TOM1L1: variants seen among roughly 807,000 people sequenced by gnomAD.
The protein encoded by TOM1L1 is target of myb1 like 1 membrane trafficking protein.
In TOM1L1, 64 loss-of-function variants were observed where a neutral mutation model predicts 63.4. The observed-to-expected ratio is 1.01, with a 90% CI of 0.83 to 1.24. TOM1L1 has a LOEUF of 1.24. TOM1L1 is among the 50% of genes most tolerant of loss of function. The pLI is 0.00. For missense variants in TOM1L1, 536 were observed against 567.0 expected (o/e 0.95, Z 0.55); for synonymous variants, 166 against 194.4 (o/e 0.85, Z 1.22).
At chr17:54,950,547 A>T (rs2049204873) in intron 14 of TOM1L1, among the ~76,000 whole-genome samples, 1 of 152,240 alleles carries the variant, frequency 6.6e-6, no homozygotes, top group African/African-American at 2.4e-5. Context: ...CTTCTAAAGC[A>T]TTAGTACAAT....
intron 8 of TOM1L1, among the ~76,000 whole-genome samples, chr17:54,931,227 A>G (rs2048852963): frequency 6.6e-6 from 1 of 152,196 alleles, no homozygotes; most frequent in Non-Finnish European, 1.5e-5. Flanking sequence ...GATTTTGGAT[A>G]AGTTGCATAA....
intron 3 of TOM1L1, among the ~76,000 whole-genome samples, chr17:54,907,282 G>A (rs1343634240): frequency 6.6e-6 from 1 of 151,756 alleles, no homozygotes; most frequent in East Asian, 1.9e-4. Flanking sequence ...AGAAATGCCT[G>A]GCACCTGACC....
chr17:54,920,990 C>T (rs912034302), intron 7 of TOM1L1, among the ~76,000 whole-genome samples: 3 of 151,986 alleles, frequency 2.0e-5, no homozygotes, highest in African/African-American at 7.3e-5. Flanking sequence ...CTTTGTGGGG[C>T]TGAGGTTTTT....
intron 7 of TOM1L1, among the ~76,000 whole-genome samples, chr17:54,923,899 GCCTGGGAGCTTGAA>G (rs2048724523): frequency 1.3e-5 from 2 of 152,178 alleles, no homozygotes; most frequent in Non-Finnish European, 2.9e-5. Context: ...GCAGTGAGCT[GCCTGGGAGCTTGAA>G]CCTGGGAGGT....
chr17:54,927,527 A>G (rs568074486), intron 7 of TOM1L1, among the ~76,000 whole-genome samples: 1 of 152,320 alleles, frequency 6.6e-6, no homozygotes, highest in South Asian at 2.1e-4. Flanking sequence ...TTTTGCTCCA[A>G]AGACTTTTGA....
At chr17:54,927,905 A>G (rs76243976) in intron 7 of TOM1L1, among the ~76,000 whole-genome samples, 3,801 of 152,284 alleles carry the variant, frequency 0.025, 156 homozygotes, top group African/African-American at 0.085. Context: ...CTGTCTCTTG[A>G]AAGGGCAAAG....
At chr17:54,927,361 CT>C (rs1323590158) in intron 7 of TOM1L1, among the ~76,000 whole-genome samples, 5 of 152,026 alleles carry the variant, frequency 3.3e-5, no homozygotes, top group Non-Finnish European at 7.4e-5. Context: ...TTTTGTGTTT[CT>C]TTTTATTGAG....
intron 12 of TOM1L1, 73 bp downstream of exon 12, chr17:54,947,385 CATTA>C: frequency 6.8e-7 from 1 of 1,465,270 alleles, no homozygotes; most frequent in Non-Finnish European, 9.6e-7. Context: ...AACTCATGGT[CATTA>C]ATTCCCATGT....
intron 11 of TOM1L1, among the ~76,000 whole-genome samples, chr17:54,944,117 G>A (rs1258431909): frequency 6.6e-6 from 1 of 151,856 alleles, no homozygotes; most frequent in Non-Finnish European, 1.5e-5. Context: ...AGATGATGCT[G>A]TAATTTTTGC....
intron 14 of TOM1L1, chr17:54,954,489 G>A (rs2049393443): frequency 6.6e-6 from 1 of 152,280 alleles, no homozygotes; most frequent in African/African-American, 2.4e-5. Context: ...GCCTGCTATT[G>A]CCATAGCAGG....
chr17:54,949,233 C>G (rs1306669322), intron 12 of TOM1L1, among the ~76,000 whole-genome samples: 2 of 102,950 alleles, frequency 1.9e-5, no homozygotes, highest in Non-Finnish European at 3.9e-5. Flanking sequence ...GAGTTGGGGT[C>G]TTGCTGTTGC....
Position 54,912,755 on chromosome 17 carries a change from A to G in TOM1L1, c.312A>G (p.Leu104=), listed in dbSNP as rs1340714260. Residue 104 remains leucine (L), a synonymous_variant, in exon 4 of 16, where the codon CTA becomes CTG. Transcript: ENST00000575882. ...KEFVKENLVK[L]LNPRYNLPLD... ...TTGTTAAAGAGAATTTAGTTAAGCTACTGAATCCCAGATACAACTTGCCAT... is the reference window on the plus strand; with the variant it reads ...TTGTTAAAGAGAATTTAGTTAAGCTGCTGAATCCCAGATACAACTTGCCAT... The G allele has an allele frequency of 1.9e-6, 3 of 1,611,478 alleles. No homozygotes were observed. Among genetic ancestry groups the G allele is most frequent in the Admixed American group, 1.7e-5 (1 of 59,472 alleles).
At chr17:54,915,614 T>G in intron 6 of TOM1L1, 132 bp from the exon 7 acceptor site, 2 of 525,710 alleles carry the variant, frequency 3.8e-6, no homozygotes, top group Non-Finnish European at 6.6e-6. Flanking sequence ...TTATATGAAA[T>G]TAAATTTAAG....
At chr17:54,920,065 G>T (rs1318468183) in intron 7 of TOM1L1, among the ~76,000 whole-genome samples, 1 of 151,146 alleles carries the variant, frequency 6.6e-6, no homozygotes, top group Non-Finnish European at 1.5e-5. Flanking sequence ...AATTCTTTAG[G>T]GTGTATTTTT....
chr17:54,934,719 TTTTTTTTTTC>T (rs1355095150), intron 8 of TOM1L1, among the ~76,000 whole-genome samples: 1 of 152,088 alleles, frequency 6.6e-6, no homozygotes, highest in Non-Finnish European at 1.5e-5. Context: ...ATGGATTTTT[TTTTTTTTTTC>T]TTTTTTGAGA....
Position 54,930,212 on chromosome 17 carries a change from C to T in TOM1L1, c.854+6C>T, listed in dbSNP as rs1454634827. Reference sequence around the variant, plus strand: ...GCTATCCTTGGATATGAGAGGTGAGCAGATCATGTACCCTCTTTACCCCTC... The same window carrying T: ...GCTATCCTTGGATATGAGAGGTGAGTAGATCATGTACCCTCTTTACCCCTC... On this transcript the variant is annotated splice_donor_region_variant and intron_variant, in intron 8 of 15. Coordinates refer to ENST00000575882, the MANE Select transcript of TOM1L1 (RefSeq NM_005486.3). 6.2e-7 allele frequency: 1 copy of T among 1,613,938 alleles called. No homozygotes were observed. The highest frequency in any genetic ancestry group is 1.3e-5 in the African/African-American group (1 of 75,028).
At chr17:54,935,021 C>G (rs1216914308) in intron 8 of TOM1L1, among the ~76,000 whole-genome samples, 1 of 152,028 alleles carries the variant, frequency 6.6e-6, no homozygotes, top group Non-Finnish European at 1.5e-5. Flanking sequence ...CCTGGCTGAA[C>G]TAGGTGGAAT....
At chr17:54,916,788 T>C (rs1219151575) in intron 7 of TOM1L1, 1 of 152,226 alleles carries the variant, frequency 6.6e-6, no homozygotes, top group Non-Finnish European at 1.5e-5. Context: ...ACTGCTGTCG[T>C]GAATAGTTTG....
chr17:54,931,654 T>C (rs2048860111), intron 8 of TOM1L1, among the ~76,000 whole-genome samples: 1 of 152,048 alleles, frequency 6.6e-6, no homozygotes, highest in Non-Finnish European at 1.5e-5. Flanking sequence ...ATTACAAAAA[T>C]TAGCCAGGCA....
Sources: allele counts gnomAD v4.1 joint callset (sites outside exome capture counted in the v4.1 genomes callset), GRCh38; gene constraint gnomAD v4.1.1; transcripts MANE v1.5; gene names NCBI Gene and HGNC (gene_info 2026-07-23, HGNC 2026-07-21).